RAB10: variants seen among roughly 807,000 people sequenced by gnomAD.
The protein encoded by RAB10 is ras-related protein Rab-10.
Under a neutral mutation model 25.7 loss-of-function variants are expected in RAB10, and 5 were observed. The ratio of observed to expected loss-of-function variants is 0.19; its 90% CI spans 0.10 to 0.41. The LOEUF (loss-of-function observed/expected upper bound fraction) is 0.41, where lower values mean the gene tolerates loss of function less well. Among genes scored for constraint, RAB10 ranks in the 10% least tolerant of loss-of-function variants. The probability of loss-of-function intolerance (pLI) is 1.00; values close to 1 mark genes in which losing one functional copy is unlikely to be tolerated. For synonymous variants in RAB10, 89 were observed against 86.4 expected, an observed-to-expected ratio of 1.03 and a Z score of -0.16; for missense variants, 103 against 245.8, an observed-to-expected ratio of 0.42 and a Z score of 3.89.
chr2:26,095,171 T>G (rs1667185146), intron 1 of RAB10, among the ~76,000 whole-genome samples: 1 of 152,120 alleles, frequency 6.6e-6, no homozygotes, highest in African/African-American at 2.4e-5. Context: ...TGCCAGTGAA[T>G]AGTTGTGTTT....
intron 1 of RAB10, among the ~76,000 whole-genome samples, chr2:26,049,168 G>T (rs1474804597): frequency 1.3e-5 from 2 of 150,038 alleles, no homozygotes; most frequent in African/African-American, 2.4e-5. Flanking sequence ...TATGGTGGGG[G>T]GTTTAGATGG....
chr2:26,087,455 T>A (rs530183242), intron 1 of RAB10, among the ~76,000 whole-genome samples: 2 of 152,290 alleles, frequency 1.3e-5, no homozygotes, highest in South Asian at 4.1e-4. Context: ...CAGGCTGGAG[T>A]GCAATGGCGC....
At chr2:26,105,635 G>A (rs1051128084) in intron 2 of RAB10, among the ~76,000 whole-genome samples, 9 of 151,994 alleles carry the variant, frequency 5.9e-5, no homozygotes, top group Admixed American at 5.2e-4. Flanking sequence ...GTGAGACTCC[G>A]TCTCAGGAAA....
chr2:26,095,478 A>G (rs1198015253), intron 1 of RAB10, among the ~76,000 whole-genome samples: 1 of 152,160 alleles, frequency 6.6e-6, no homozygotes, highest in South Asian at 2.1e-4. Flanking sequence ...ATGGTGGCGG[A>G]TGCCTGTAGC....
chr2:26,045,110 C>T (rs1441375712), intron 1 of RAB10, among the ~76,000 whole-genome samples: 4 of 151,742 alleles, frequency 2.6e-5, no homozygotes, highest in South Asian at 2.1e-4. Flanking sequence ...AGAGAAGAGC[C>T]GATGATGTTT....
intron 1 of RAB10, among the ~76,000 whole-genome samples, chr2:26,081,088 A>C (rs559703182): frequency 6.6e-6 from 1 of 152,268 alleles, no homozygotes; most frequent in East Asian, 1.9e-4. Flanking sequence ...TGACGGTTTT[A>C]AAAATGGAAG....
chr2:26,083,599 G>A (rs1008891765), intron 1 of RAB10, among the ~76,000 whole-genome samples: 1 of 152,022 alleles, frequency 6.6e-6, no homozygotes, highest in Non-Finnish European at 1.5e-5. Context: ...CAGTAGCCGG[G>A]ATTACAAGTG....
At chr2:26,078,472 G>T (rs556713921) in intron 1 of RAB10, among the ~76,000 whole-genome samples, 1 of 152,302 alleles carries the variant, frequency 6.6e-6, no homozygotes, top group African/African-American at 2.4e-5. Flanking sequence ...CAGATGTACA[G>T]ATCAGTGGAA....
chr2:26,106,172 G>A (rs1388813405), intron 2 of RAB10, among the ~76,000 whole-genome samples: 1 of 152,170 alleles, frequency 6.6e-6, no homozygotes, highest in Non-Finnish European at 1.5e-5. Flanking sequence ...ACTGAAAGTG[G>A]GAAAACAGCA....
chr2:26,126,330 C>A (rs555636564), intron 3 of RAB10, among the ~76,000 whole-genome samples: 2 of 152,292 alleles, frequency 1.3e-5, no homozygotes, highest in African/African-American at 4.8e-5. Flanking sequence ...GTAATCCTAG[C>A]TCTTTGGGAG....
chr2:26,112,758 G>T (rs1186175999), intron 3 of RAB10, among the ~76,000 whole-genome samples: 1 of 152,116 alleles, frequency 6.6e-6, no homozygotes, highest in Non-Finnish European at 1.5e-5. Context: ...GTGAGACTCT[G>T]TCTCTGAAAA....
chr2:26,041,676 C>T (rs1451746441), intron 1 of RAB10, among the ~76,000 whole-genome samples: 2 of 150,054 alleles, frequency 1.3e-5, no homozygotes, highest in Non-Finnish European at 3.0e-5. Flanking sequence ...GAGACCGAGG[C>T]GGGCAGATCA....
chr2:26,047,783 G>T (rs1482691365), intron 1 of RAB10, among the ~76,000 whole-genome samples: 1 of 133,396 alleles, frequency 7.5e-6, no homozygotes, highest in Non-Finnish European at 1.5e-5. Context: ...GAGTGCAGTC[G>T]CACAATCTTG....
intron 3 of RAB10, among the ~76,000 whole-genome samples, chr2:26,123,718 T>C (rs773464355): frequency 1.2e-4 from 19 of 152,308 alleles, no homozygotes; most frequent in Non-Finnish European, 2.4e-4. Context: ...GCAGAAGGGT[T>C]CTGATTATTC....
At chr2:26,059,892 T>A (rs770024057) in intron 1 of RAB10, among the ~76,000 whole-genome samples, 6 of 152,240 alleles carry the variant, frequency 3.9e-5, no homozygotes, top group Non-Finnish European at 1.5e-5. Context: ...GTGGTAAGTT[T>A]TAATAGCTTT....
intron 2 of RAB10, among the ~76,000 whole-genome samples, chr2:26,106,306 G>A (rs1315782296): frequency 4.6e-5 from 7 of 152,150 alleles, no homozygotes; most frequent in African/African-American, 1.7e-4. Context: ...TAAAATAAGT[G>A]GGAAGAATCA....
chr2:26,089,437 AAGAG>A (rs1433025048), intron 1 of RAB10, among the ~76,000 whole-genome samples: 2 of 151,226 alleles, frequency 1.3e-5, no homozygotes, highest in Non-Finnish European at 3.0e-5. Flanking sequence ...AAAAAAAAAA[AAGAG>A]AGAGTGATGG....
intron 2 of RAB10, among the ~76,000 whole-genome samples, chr2:26,104,780 C>G (rs1667433960): frequency 6.6e-6 from 1 of 150,794 alleles, no homozygotes; most frequent in South Asian, 2.1e-4. Flanking sequence ...CTCTGTCGCC[C>G]AGGCTGGAAT....
At chr2:26,119,074 A>T (rs1370032043) in intron 3 of RAB10, among the ~76,000 whole-genome samples, 1 of 152,150 alleles carries the variant, frequency 6.6e-6, no homozygotes, top group African/African-American at 2.4e-5. Context: ...CTTTAACCTC[A>T]TCATGCTTGC....
Sources: gnomAD v4.1 joint callset for allele counts (sites outside exome capture counted in the v4.1 genomes callset) on GRCh38, gnomAD v4.1.1 for gene constraint, MANE v1.5 for transcripts, NCBI Gene and HGNC (gene_info 2026-07-23, HGNC 2026-07-21) for gene names.